Variants in ZBTB16 observed in about 807,000 individuals in gnomAD.
ZBTB16 encodes the protein zinc finger and BTB domain containing 16, also known as zinc finger and BTB domain-containing protein 16.
In ZBTB16, 8 loss-of-function variants were observed where a neutral mutation model predicts 56.8. The ratio of observed to expected loss-of-function variants is 0.14; its 90% CI spans 0.08 to 0.25. The LOEUF (loss-of-function observed/expected upper bound fraction) is 0.25, where lower values mean the gene tolerates loss of function less well. ZBTB16 is among the 10% of genes least tolerant of loss of function. ZBTB16 has a pLI of 1.00. For missense variants in ZBTB16, 625 were observed against 903.0 expected (o/e 0.69, Z 3.95); for synonymous variants, 363 against 368.5 (o/e 0.98, Z 0.17).
intron 2 of ZBTB16, among the ~76,000 whole-genome samples, chr11:114,118,207 C>T (rs754263066): frequency 2.0e-5 from 3 of 152,282 alleles, no homozygotes; most frequent in African/African-American, 4.8e-5. Flanking sequence ...GACAGAGGCT[C>T]GCTCTGTTGC....
chr11:114,202,109 G>GC (rs1179823217), intron 4 of ZBTB16, among the ~76,000 whole-genome samples: 1 of 152,200 alleles, frequency 6.6e-6, no homozygotes, highest in Admixed American at 6.5e-5. Flanking sequence ...GCCTGTGCCA[G>GC]CACTCAGAGG....
At position 114,203,774 on chromosome 11, in the gene ZBTB16, T is replaced by C. The variant is rs565155406; in HGVS notation, c.1453+16736T>C. Among the ~76,000 whole-genome samples the C allele has an allele frequency of 2.0e-5, 3 of 152,294 alleles. 1 individual carries two copies. Among genetic ancestry groups the C allele is most frequent in the Admixed American group, 6.5e-5 (1 of 15,290 alleles). On this transcript the variant is annotated intron_variant, in intron 4 of 6. Transcript: ENST00000335953. ...TGACCATTCAGACAGTGCAGGAGACTGTGGCACCTTTAGAATCATTCTATT... is the reference window on the plus strand; with the variant it reads ...TGACCATTCAGACAGTGCAGGAGACCGTGGCACCTTTAGAATCATTCTATT...
At chr11:114,131,469 G>A (rs1941658259) in intron 2 of ZBTB16, among the ~76,000 whole-genome samples, 1 of 151,996 alleles carries the variant, frequency 6.6e-6, no homozygotes, top group Non-Finnish European at 1.5e-5. Context: ...TTGAAACTTC[G>A]AATTCATTGA....
At chr11:114,191,519 A>T (rs760552211) in intron 4 of ZBTB16, among the ~76,000 whole-genome samples, 1 of 152,178 alleles carries the variant, frequency 6.6e-6, no homozygotes, top group Non-Finnish European at 1.5e-5. Context: ...GATGTAGCCT[A>T]GAAGCTACCC....
chr11:114,089,382 T>C (rs1382962392), intron 2 of ZBTB16, among the ~76,000 whole-genome samples: 1 of 152,254 alleles, frequency 6.6e-6, no homozygotes, highest in East Asian at 1.9e-4. Context: ...CCAGTTGTTA[T>C]ACCACGATAT....
At chr11:114,122,434 G>A (rs1276445000) in intron 2 of ZBTB16, among the ~76,000 whole-genome samples, 2 of 152,128 alleles carry the variant, frequency 1.3e-5, no homozygotes, top group African/African-American at 2.4e-5. Flanking sequence ...AGATCACGAC[G>A]TCTATGTAAA....
chr11:114,227,309 T>G (rs938844310), intron 4 of ZBTB16, among the ~76,000 whole-genome samples: 2 of 152,140 alleles, frequency 1.3e-5, no homozygotes, highest in South Asian at 2.1e-4. Context: ...GGGCCCCATG[T>G]GCTGGGGGAA....
chr11:114,157,692 C>A (rs1340831538), intron 3 of ZBTB16, among the ~76,000 whole-genome samples: 1 of 152,192 alleles, frequency 6.6e-6, no homozygotes, highest in African/African-American at 2.4e-5. Flanking sequence ...TGTGGTTCCG[C>A]ATTGTGTTGG....
intron 2 of ZBTB16, among the ~76,000 whole-genome samples, chr11:114,073,535 G>A (rs533951555): frequency 9.2e-5 from 14 of 152,216 alleles, no homozygotes; most frequent in Admixed American, 4.6e-4. Flanking sequence ...GAGGGGATCC[G>A]GTACTTTATT....
chr11:114,098,155 C>T (rs1176131699), intron 2 of ZBTB16, among the ~76,000 whole-genome samples: 1 of 152,076 alleles, frequency 6.6e-6, no homozygotes, highest in Admixed American at 6.6e-5. Flanking sequence ...AATTTAAAGA[C>T]CCATAAGGAA....
Position 114,166,201 on chromosome 11 carries a change from C to CGTGTGTGTGTGTGT in ZBTB16, c.1366+9800_1366+9813dup, listed in dbSNP as rs3057730. 8.8e-4 allele frequency among the ~76,000 whole-genome samples: 118 copies of CGTGTGTGTGTGTGT among 134,162 alleles called. 1 individual carries two copies. Among genetic ancestry groups the CGTGTGTGTGTGTGT allele is most frequent in the African/African-American group, 3.2e-3 (112 of 35,152 alleles). 88.0% of individuals were successfully genotyped at this position (134,162 alleles called of 152,430 possible). On this transcript the variant is annotated intron_variant, in intron 3 of 6. Transcript: ENST00000335953. ...TATCGTGGGGCAGAGGACTGGTCTACGTGTGTGTGTGTGTGTGTGTGTGTG... is the reference window on the plus strand; with the variant it reads ...TATCGTGGGGCAGAGGACTGGTCTACGTGTGTGTGTGTGTGTGTGTGTGTGTGTGTGTGTGTGTG...
Position 114,233,125 on chromosome 11 carries a change from A to ACACT in ZBTB16, c.1454-9041_1454-9040insACTC, listed in dbSNP as rs1443230792. On this transcript the variant is annotated intron_variant, in intron 4 of 6. Transcript: ENST00000335953. ...CACACACACACACACACACACACACACTCTCTCTCTCTCACACTCCCTTTC... is the reference window on the plus strand; with the variant it reads ...CACACACACACACACACACACACACACACTCTCTCTCTCTCTCACACTCCCTTTC... Among the ~76,000 whole-genome samples the ACACT allele has an allele frequency of 3.2e-3, 173 of 54,744 alleles. 2 individuals are homozygous for ACACT. The highest frequency in any genetic ancestry group is 8.1e-3 in the African/African-American group (157 of 19,438). 35.9% of individuals were successfully genotyped at this position (54,744 alleles called of 152,430 possible).
chr11:114,165,703 T>C (rs1233679885), intron 3 of ZBTB16, among the ~76,000 whole-genome samples: 2 of 152,092 alleles, frequency 1.3e-5, no homozygotes, highest in African/African-American at 4.8e-5. Flanking sequence ...GCCTGAAGCT[T>C]CAGCTTTACT....
chr11:114,064,841 CCT>C lies in ZBTB16; in HGVS notation c.1268+274_1268+275del, dbSNP rs1449717398. Among the ~76,000 whole-genome samples, 5 of 152,058 alleles carry C rather than the reference CCT, an allele frequency of 3.3e-5. No homozygotes were observed. The highest frequency in any genetic ancestry group is 6.6e-5 in the Admixed American group (1 of 15,254). On this transcript the variant is annotated intron_variant, in intron 2 of 6. Transcript: ENST00000335953. This position sits in a 1 kb window ranked among gnomAD's most constrained non-coding sequence, Gnocchi z 4.2. ...TCCCTTTGTTTTTTGCTTTTGGGCCCCTGTTTGTTTTTTCGGCTGTTTGGTCT... is the reference window on the plus strand; with the variant it reads ...TCCCTTTGTTTTTTGCTTTTGGGCCCGTTTGTTTTTTCGGCTGTTTGGTCT...
At chr11:114,157,340 A>T (rs533523748) in intron 3 of ZBTB16, among the ~76,000 whole-genome samples, 1 of 152,220 alleles carries the variant, frequency 6.6e-6, no homozygotes, top group Non-Finnish European at 1.5e-5. Flanking sequence ...AGCTACATTC[A>T]TCTTGTGAAC....
chr11:114,128,773 G>C (rs1289989114), intron 2 of ZBTB16, among the ~76,000 whole-genome samples: 1 of 152,162 alleles, frequency 6.6e-6, no homozygotes, highest in Non-Finnish European at 1.5e-5. Flanking sequence ...TTTTAAGTTA[G>C]TGCCTTCCCT....
chr11:114,241,091 G>A (rs752226837), intron 4 of ZBTB16, among the ~76,000 whole-genome samples: 5 of 152,132 alleles, frequency 3.3e-5, no homozygotes, highest in Admixed American at 6.5e-5. Flanking sequence ...GGTAACGTCG[G>A]TCATGAGAGC....
At chr11:114,244,064 A>G (rs1944768319) in intron 5 of ZBTB16, among the ~76,000 whole-genome samples, 4 of 152,156 alleles carry the variant, frequency 2.6e-5, no homozygotes. Flanking sequence ...CACAAGCCAT[A>G]TACAGGCTGT....
At position 114,059,840 on chromosome 11, in the gene ZBTB16, G is replaced by GACAGGCACGCACACCCACCCC. The variant is rs1180307702; in HGVS notation, c.-128_-108dup. The GACAGGCACGCACACCCACCCC allele has an allele frequency of 1.0e-5, 4 of 397,772 alleles. No homozygotes were observed. Among genetic ancestry groups the GACAGGCACGCACACCCACCCC allele is most frequent in the African/African-American group, 6.2e-5 (3 of 48,528 alleles). 24.6% of individuals were successfully genotyped at this position (397,772 alleles called of 1,614,324 possible). A position where few individuals can be genotyped will look rare whatever the true frequency, so the allele number is the denominator to read the frequency against. On this transcript the variant is annotated 5_prime_UTR_variant, in exon 1 of 7. Transcript: ENST00000335953. The surrounding 1 kb of genome is among the most constrained non-coding windows in gnomAD (Gnocchi z 5.3). ...TCCCCGACACAGGCACACACCCCCC[G>GACAGGCACGCACACCCACCCC]ACAGGCACGCACACCCACCCCACAG...
Sources: gnomAD v4.1 joint callset for allele counts (sites outside exome capture counted in the v4.1 genomes callset) on GRCh38, gnomAD v4.1.1 for gene constraint, Gnocchi (gnomAD v3.1) non-coding constraint, MANE v1.5 for transcripts, NCBI Gene and HGNC (gene_info 2026-07-23, HGNC 2026-07-21) for gene names.